The following CARMIL1 variants were observed in gnomAD, a reference collection of about 807,000 sequenced individuals.
CARMIL1 encodes the protein F-actin-uncapping protein LRRC16A.
A neutral mutation model predicts 177.1 loss-of-function variants in CARMIL1; 90 were observed. The ratio of observed to expected loss-of-function variants is 0.51; its 90% CI spans 0.43 to 0.61. The LOEUF (loss-of-function observed/expected upper bound fraction) is 0.61. Among genes scored for constraint, CARMIL1 ranks in the 20% least tolerant of loss-of-function variants. The pLI, the probability that CARMIL1 is intolerant of heterozygous loss-of-function variation, is 0.00. For synonymous variants in CARMIL1, 577 were observed against 606.2 expected (o/e 0.95, Z 0.71); for missense variants, 1,380 against 1,667.0 (o/e 0.83, Z 3.00).
At chr6:25,506,575 G>A (rs1924471) in intron 17 of CARMIL1, among the ~76,000 whole-genome samples, 66,331 of 151,814 alleles carry the variant, frequency 0.44, 14,852 homozygotes, top group Middle Eastern at 0.52. Flanking sequence ...AAAGAAAACA[G>A]CTGTGTTTAT....
At chr6:25,312,426 TG>T (rs1475400104) in intron 2 of CARMIL1, among the ~76,000 whole-genome samples, 6 of 152,218 alleles carry the variant, frequency 3.9e-5, no homozygotes, top group African/African-American at 1.4e-4. Flanking sequence ...TTTTTTCTTC[TG>T]GGAAAATAGC....
rs1806424435 is a variant in CARMIL1 at position 25,520,357 on chromosome 6, T to G, written c.1968+20T>G. ...CAAAAGGTATTAAAGAATCAGTAGC[T>G]TAATTACAAGAAATTCACATTTGAA... On this transcript the variant is annotated intron_variant, in intron 23 of 36. Transcript: ENST00000329474. 1 of 1,303,706 alleles carries G rather than the reference T, an allele frequency of 7.7e-7. No individual in the cohort carries two copies. Among genetic ancestry groups the G allele is most frequent in the South Asian group, 1.3e-5 (1 of 74,964 alleles). The allele number at this position is 1,303,706 out of a possible 1,614,324, so 80.8% of individuals were successfully genotyped here. A position where few individuals can be genotyped will look rare whatever the true frequency, so the allele number is the denominator to read the frequency against.
chr6:25,525,361 G>A (rs1395431611), intron 23 of CARMIL1, among the ~76,000 whole-genome samples: 1 of 152,110 alleles, frequency 6.6e-6, no homozygotes, highest in Non-Finnish European at 1.5e-5. Flanking sequence ...ACCCCCAGCA[G>A]CCTAGAATTC....
intron 29 of CARMIL1, among the ~76,000 whole-genome samples, chr6:25,578,038 TTAAGA>T (rs1812761843): frequency 6.6e-6 from 1 of 152,200 alleles, no homozygotes; most frequent in Non-Finnish European, 1.5e-5. Flanking sequence ...GATGCATTTT[TTAAGA>T]TAAGTTAATT....
intron 2 of CARMIL1, among the ~76,000 whole-genome samples, chr6:25,344,189 T>A (rs969456063): frequency 6.6e-6 from 1 of 152,120 alleles, no homozygotes; most frequent in Non-Finnish European, 1.5e-5. Context: ...CCCACTCTTA[T>A]CACCACTTCC....
intron 2 of CARMIL1, among the ~76,000 whole-genome samples, chr6:25,397,523 T>C (rs941835612): frequency 2.4e-4 from 37 of 152,202 alleles, no homozygotes; most frequent in African/African-American, 8.9e-4. Flanking sequence ...ATGAAAGTTG[T>C]GGCCGTAGCT....
intron 2 of CARMIL1, 28 bp downstream of exon 2, chr6:25,284,937 A>G (rs375977635): frequency 7.2e-5 from 94 of 1,312,700 alleles, no homozygotes; most frequent in South Asian, 1.2e-4. Context: ...TTTTTATTAA[A>G]TGTTTGGAAA....
chr6:25,313,206 GA>G (rs56193761), intron 2 of CARMIL1, among the ~76,000 whole-genome samples: 31,552 of 151,292 alleles, frequency 0.21, 4,220 homozygotes, highest in East Asian at 0.4. Context: ...GAATGATTAA[GA>G]AAAAAAAACC....
At chr6:25,378,210 C>A (rs1303917310) in intron 2 of CARMIL1, among the ~76,000 whole-genome samples, 3 of 152,200 alleles carry the variant, frequency 2.0e-5, no homozygotes, top group Non-Finnish European at 2.9e-5. Context: ...AGCTTTCATG[C>A]ACTTGGCAAG....
chr6:25,295,032 G>T (rs1343626235), intron 2 of CARMIL1, among the ~76,000 whole-genome samples: 2 of 152,122 alleles, frequency 1.3e-5, no homozygotes, highest in African/African-American at 4.8e-5. Flanking sequence ...CCTATGCATT[G>T]CTTGGACAAA....
At chr6:25,445,883 A>T (rs992452790) in intron 5 of CARMIL1, among the ~76,000 whole-genome samples, 1 of 152,208 alleles carries the variant, frequency 6.6e-6, no homozygotes, top group Non-Finnish European at 1.5e-5. Flanking sequence ...ATATTGAATT[A>T]GTAGGCATGA....
intron 5 of CARMIL1, among the ~76,000 whole-genome samples, chr6:25,445,588 G>A (rs1278033652): frequency 6.8e-6 from 1 of 147,936 alleles, no homozygotes; most frequent in Non-Finnish European, 1.5e-5. Context: ...AGGCTGGAGT[G>A]CAGTGGCGTG....
At chr6:25,298,739 A>T (rs1432351921) in intron 2 of CARMIL1, among the ~76,000 whole-genome samples, 1 of 141,302 alleles carries the variant, frequency 7.1e-6, no homozygotes, top group African/African-American at 2.6e-5. Context: ...TTCCTCTTGG[A>T]TTTCAGTTAT....
intron 2 of CARMIL1, among the ~76,000 whole-genome samples, chr6:25,334,951 T>G (rs1786060798): frequency 6.6e-6 from 1 of 152,204 alleles, no homozygotes; most frequent in African/African-American, 2.4e-5. Flanking sequence ...CCTTCACACC[T>G]CTTCTGTCAT....
At chr6:25,401,278 A>G (rs1468592951) in intron 2 of CARMIL1, among the ~76,000 whole-genome samples, 1 of 123,000 alleles carries the variant, frequency 8.1e-6, no homozygotes, top group Admixed American at 7.9e-5. Flanking sequence ...CATTTTATAC[A>G]CAAACACACA....
chr6:25,350,901 T>C (rs1374414296), intron 2 of CARMIL1: 1 of 152,200 alleles, frequency 6.6e-6, no homozygotes, highest in East Asian at 1.9e-4. Context: ...TGAAGCACAG[T>C]ATATTTAAAG....
chr6:25,425,543 G>C (rs1275681794), intron 3 of CARMIL1, among the ~76,000 whole-genome samples: 1 of 152,054 alleles, frequency 6.6e-6, no homozygotes, highest in African/African-American at 2.4e-5. Flanking sequence ...ATGTGGGAGG[G>C]TAAAAAAATT....
intron 33 of CARMIL1, among the ~76,000 whole-genome samples, chr6:25,601,642 A>G (rs906303257): frequency 2.0e-5 from 3 of 152,242 alleles, no homozygotes; most frequent in South Asian, 2.1e-4. Context: ...AAGGTATTCT[A>G]TTAGAATTAA....
intron 9 of CARMIL1, among the ~76,000 whole-genome samples, chr6:25,466,831 G>A (rs1379961229): frequency 6.6e-6 from 1 of 152,132 alleles, no homozygotes. Context: ...AACTCATTTG[G>A]GGTCCCTTAA....
Sources: allele counts gnomAD v4.1 joint callset (sites outside exome capture counted in the v4.1 genomes callset), GRCh38; gene constraint gnomAD v4.1.1; transcripts MANE v1.5; gene names NCBI Gene and HGNC (gene_info 2026-07-23, HGNC 2026-07-21).